NTRK3: variants seen among roughly 807,000 people sequenced by gnomAD.
NTRK3 encodes neurotrophic receptor tyrosine kinase 3, also known as NT-3 growth factor receptor.
Under a neutral mutation model 91.7 loss-of-function variants are expected in NTRK3, and 24 were observed. The observed-to-expected ratio is 0.26, with a 90% CI of 0.19 to 0.37. NTRK3 has a LOEUF of 0.37. Among genes scored for constraint, NTRK3 ranks in the 10% least tolerant of loss-of-function variants. The probability of loss-of-function intolerance (pLI) is 1.00; values close to 1 mark genes in which losing one functional copy is unlikely to be tolerated. For missense variants in NTRK3, 880 were observed against 1,068.9 expected, an observed-to-expected ratio of 0.82 and a Z score of 2.46; for synonymous variants, 483 against 404.0, an observed-to-expected ratio of 1.20 and a Z score of -2.34.
At chr15:88,206,320 TGGGCGA>T (rs2048758672) in intron 3 of NTRK3, among the ~76,000 whole-genome samples, 1 of 139,622 alleles carries the variant, frequency 7.2e-6, no homozygotes, top group Non-Finnish European at 1.5e-5. Context: ...CACTCCAGCC[TGGGCGA>T]CAGCGAGACT....
chr15:87,925,939 A>T (rs933062312), intron 17 of NTRK3, among the ~76,000 whole-genome samples: 9 of 152,260 alleles, frequency 5.9e-5, no homozygotes, highest in African/African-American at 2.2e-4. Context: ...TAATATAAAC[A>T]GGAGTTTATC....
chr15:88,014,498 T>C (rs8026093), intron 14 of NTRK3, among the ~76,000 whole-genome samples: 1 of 152,286 alleles, frequency 6.6e-6, no homozygotes, highest in African/African-American at 2.4e-5. Context: ...GTTAAGTGAA[T>C]GAGAATTAAA....
intron 13 of NTRK3, among the ~76,000 whole-genome samples, chr15:88,077,276 T>G (rs771085083): frequency 4.6e-5 from 7 of 152,092 alleles, no homozygotes; most frequent in Non-Finnish European, 1.0e-4. Context: ...GCCTTCACTT[T>G]CTCTGTTCTC....
chr15:88,045,964 G>A lies in NTRK3; in HGVS notation c.1397-12919C>T, dbSNP rs146963174. Among the ~76,000 whole-genome samples, 243 of 152,254 alleles carry A rather than the reference G, an allele frequency of 1.6e-3. 1 individual carries two copies. The highest frequency in any genetic ancestry group is 6.8e-3 in the Middle Eastern group (2 of 294). On this transcript the variant is annotated intron_variant, in intron 13 of 18. Coordinates refer to ENST00000394480, the Ensembl canonical transcript of NTRK3. ...TTCCATCTGCAAAGAGGCTATTTCCGAATAAGTTCACATTAACAGGTACTA... is the reference window on the plus strand; with the variant it reads ...TTCCATCTGCAAAGAGGCTATTTCCAAATAAGTTCACATTAACAGGTACTA...
intron 4 of NTRK3, 48 bp downstream of exon 4, chr15:88,184,177 T>A (rs1401197039): frequency 1.9e-6 from 3 of 1,587,324 alleles, no homozygotes; most frequent in Admixed American, 3.4e-5. Flanking sequence ...CCAGGTGGCA[T>A]CCACCCCTTC....
intron 5 of NTRK3, among the ~76,000 whole-genome samples, chr15:88,160,248 G>A (rs1459363279): frequency 6.6e-6 from 1 of 152,154 alleles, no homozygotes; most frequent in African/African-American, 2.4e-5. Context: ...GAAGAGACGA[G>A]CACGTAGCAA....
rs769488269 is a variant in NTRK3 at position 88,128,698 on chromosome 15, A to G, written c.1228+13T>C. 4 of 1,613,720 alleles carry G rather than the reference A, an allele frequency of 2.5e-6. No individual in the cohort carries two copies. On this transcript the variant is annotated intron_variant, in intron 11 of 18. Coordinates refer to ENST00000394480, the Ensembl canonical transcript of NTRK3. ...ATAAATCAGTTTCAAAGCAACAGGTAAAGCAGACTTACACAAGATAAAGTT... is the reference window on the plus strand; with the variant it reads ...ATAAATCAGTTTCAAAGCAACAGGTGAAGCAGACTTACACAAGATAAAGTT...
intron 13 of NTRK3, among the ~76,000 whole-genome samples, chr15:88,052,066 A>G (rs757709453): frequency 6.6e-6 from 1 of 152,230 alleles, no homozygotes; most frequent in Non-Finnish European, 1.5e-5. Flanking sequence ...TTTAGTAAGG[A>G]CCCAATAAAT....
At chr15:88,029,781 A>T (rs924425707) in intron 14 of NTRK3, among the ~76,000 whole-genome samples, 1 of 152,170 alleles carries the variant, frequency 6.6e-6, no homozygotes, top group Admixed American at 6.5e-5. Context: ...TTAATTATTT[A>T]TGATAGTGGC....
chr15:87,863,260 T>G (rs145316111), exon 19 of NTRK3: 171 of 226,338 alleles, frequency 7.6e-4, no homozygotes, highest in African/African-American at 3.4e-3. Context: ...AAGAATAAAG[T>G]CTTCCAAGTT....
intron 14 of NTRK3, among the ~76,000 whole-genome samples, chr15:88,011,685 T>C (rs768619463): frequency 6.6e-6 from 1 of 152,098 alleles, no homozygotes; most frequent in African/African-American, 2.4e-5. Flanking sequence ...GTCAGCACAA[T>C]AGGACACCAG....
intron 13 of NTRK3, among the ~76,000 whole-genome samples, chr15:88,097,262 A>G (rs1335013132): frequency 6.6e-6 from 1 of 152,242 alleles, no homozygotes; most frequent in Non-Finnish European, 1.5e-5. Flanking sequence ...CTGGTTAAAG[A>G]GGTGTGTCAG....
At chr15:87,928,428 A>G (rs1238971115) in intron 17 of NTRK3, 3 of 152,318 alleles carry the variant, frequency 2.0e-5, no homozygotes. Context: ...CACTATCAGA[A>G]TCAGTCAATA....
chr15:88,193,619 C>T (rs77122697), intron 3 of NTRK3, among the ~76,000 whole-genome samples: 2 of 152,270 alleles, frequency 1.3e-5, no homozygotes, highest in East Asian at 1.9e-4. Flanking sequence ...GACCACTAGG[C>T]GAATAAATGA....
rs560105675 is a variant in NTRK3, at chr15:87,952,342, T to C, written c.1586-11589A>G. ...ACGTGCTTAAAATCCAGTCTAGTCG[T>C]GAGCTCCTAGGACACACACGTGCCC... On this transcript the variant is annotated intron_variant, in intron 14 of 18. Coordinates refer to ENST00000394480, the Ensembl canonical transcript of NTRK3. Among the ~76,000 whole-genome samples the C allele has an allele frequency of 8.5e-5, 13 of 152,324 alleles. 1 individual carries two copies. Among genetic ancestry groups the C allele is most frequent in the Non-Finnish European group, 1.5e-5 (1 of 68,018 alleles).
At chr15:88,088,569 T>C (rs906975695) in intron 13 of NTRK3, among the ~76,000 whole-genome samples, 7 of 152,214 alleles carry the variant, frequency 4.6e-5, no homozygotes, top group Admixed American at 3.3e-4. Context: ...TTAGTGTATA[T>C]AATACTATGC....
At chr15:88,181,186 A>G (rs1377253804) in intron 5 of NTRK3, among the ~76,000 whole-genome samples, 3 of 152,148 alleles carry the variant, frequency 2.0e-5, no homozygotes, top group East Asian at 3.8e-4. Flanking sequence ...GAGCTGGCCA[A>G]TGTGTCCAGG....
intron 10 of NTRK3, among the ~76,000 whole-genome samples, chr15:88,130,604 C>G (rs1201798600): frequency 2.0e-5 from 3 of 152,096 alleles, no homozygotes; most frequent in Non-Finnish European, 2.9e-5. Flanking sequence ...GGCAGAGCAT[C>G]ACTTCTGCAG....
chr15:87,960,543 G>A (rs2072166648), intron 14 of NTRK3, among the ~76,000 whole-genome samples: 1 of 151,718 alleles, frequency 6.6e-6, no homozygotes, highest in African/African-American at 2.4e-5. Flanking sequence ...GGAGTGCAGT[G>A]GTGCCATCTC....
Sources: allele counts gnomAD v4.1 joint callset (sites outside exome capture counted in the v4.1 genomes callset), GRCh38; gene constraint gnomAD v4.1.1; transcripts MANE v1.5; gene names NCBI Gene and HGNC (gene_info 2026-07-23, HGNC 2026-07-21).